TEX38: variants seen among roughly 807,000 people sequenced by gnomAD.
TEX38 encodes the protein testis-expressed protein 38.
Under a neutral mutation model 2.7 loss-of-function variants are expected in TEX38, and 5 were observed. That is an observed-to-expected ratio of 1.86 (90% CI 0.97 to 3.90). The LOEUF (loss-of-function observed/expected upper bound fraction) is 3.90. TEX38 is among the 30% of genes most tolerant of loss of function. The pLI, the probability that TEX38 is intolerant of heterozygous loss-of-function variation, is 0.00. For synonymous variants in TEX38, 110 were observed against 103.3 expected (o/e 1.06, Z -0.39); for missense variants, 218 against 247.9 (o/e 0.88, Z 0.81).
upstream of TEX38, among the ~76,000 whole-genome samples, chr1:46,670,601 T>C (rs907296310): frequency 1.3e-5 from 2 of 152,128 alleles, no homozygotes; most frequent in South Asian, 2.1e-4. Flanking sequence ...ACTGATGGAA[T>C]GAATGTAGAT....
chr1:46,669,532 T>C (rs1258277034), upstream of TEX38: 2 of 455,938 alleles, frequency 4.4e-6, no homozygotes, highest in African/African-American at 4.0e-5. Context: ...TTATAGTCTT[T>C]ATCCCATCAC....
chr1:46,670,703 A>G (rs1290449592), upstream of TEX38, among the ~76,000 whole-genome samples: 2 of 152,212 alleles, frequency 1.3e-5, no homozygotes, highest in African/African-American at 4.8e-5. Flanking sequence ...AGTAGGGGCC[A>G]GTGATATACG....
At chr1:46,672,825 G>T in intron 1 of TEX38, 48 bp from the exon 2 acceptor site, 2 of 1,494,940 alleles carry the variant, frequency 1.3e-6, no homozygotes, top group Non-Finnish European at 1.8e-6. Flanking sequence ...CAGGCCCCAA[G>T]CTACAGCTAT....
chr1:46,673,328 CT>C lies in TEX38; in HGVS notation c.494del (p.Leu165ArgfsTer2), dbSNP rs748317322. The C allele has an allele frequency of 1.1e-4, 174 of 1,551,716 alleles. No homozygotes were observed. Among genetic ancestry groups the C allele is most frequent in the Middle Eastern group, 6.7e-4 (4 of 6,014 alleles). ...FAPPLCNLPPLLNHSVSYPLA... is the reference protein window; with the variant it reads ...FAPPLCNLPPXLNHSVSYPLA... ...CCCACCCTTGTGCAACCTACCCCCC[CT>C]GCTGAACCACTCTGTCTCCTATCCT... On this transcript the variant is annotated frameshift_variant, in exon 2 of 2. Transcript: ENST00000334122. LOFTEE classifies it high-confidence loss of function.
At chr1:46,670,097 A>G (rs1485575687), upstream of TEX38, among the ~76,000 whole-genome samples, 2 of 152,162 alleles carry the variant, frequency 1.3e-5, no homozygotes, top group Non-Finnish European at 2.9e-5. Flanking sequence ...TCTAGCATTG[A>G]AAGCCCCATG....
At position 46,673,266 on chromosome 1, in the gene TEX38, C is replaced by T. The variant is rs918354322; in HGVS notation, c.431C>T (p.Pro144Leu). 1.2e-5 allele frequency: 19 copies of T among 1,551,478 alleles called. No homozygotes were observed. The highest frequency in any genetic ancestry group is 1.6e-5 in the Non-Finnish European group (18 of 1,146,948). ...LAPQQPQARS[P>L]FPLPIFQEVP... ...CCACAGCAGCCCCAGGCCAGATCCC[C>T]ATTCCCACTTCCCATCTTTCAGGAG... The change falls in exon 2 of 2, where the codon CCA becomes CTA. Residue 144 changes from proline to leucine, a missense_variant. Coordinates refer to ENST00000334122, the MANE Select transcript of TEX38 (RefSeq NM_001145474.4).
upstream of TEX38, chr1:46,671,756 C>A (rs545447967): frequency 1.5e-5 from 10 of 674,960 alleles, no homozygotes; most frequent in East Asian, 2.8e-4. Flanking sequence ...GACCACTTCA[C>A]AAGCACTGCC....
upstream of TEX38, chr1:46,669,356 T>C (rs1284880726): frequency 4.4e-6 from 2 of 455,776 alleles, no homozygotes; most frequent in South Asian, 1.6e-5. Context: ...AACAGTGTAA[T>C]GGAAGATGAA....
At chr1:46,671,808 A>G, upstream of TEX38, 1 of 950,026 alleles carries the variant, frequency 1.1e-6, no homozygotes, top group East Asian at 2.6e-5. Flanking sequence ...CCTCTCCTTT[A>G]GAGAACAAAG....
chr1:46,672,754 G>A (rs952606440), intron 1 of TEX38, 119 bp from the exon 2 acceptor site: 10 of 869,544 alleles, frequency 1.2e-5, no homozygotes, highest in Admixed American at 5.4e-5. Flanking sequence ...AACGGTGAGA[G>A]TAGTTAAGTG....
intron 1 of TEX38, 63 bp downstream of exon 1, chr1:46,672,034 G>A: frequency 6.9e-7 from 1 of 1,458,820 alleles, no homozygotes; most frequent in Non-Finnish European, 9.1e-7. Context: ...CAAACACTCA[G>A]GGAAGGCCCT....
chr1:46,671,956 C>A lies in TEX38; in HGVS notation c.22C>A (p.Leu8Met). The change falls in exon 1 of 2, where the codon CTG becomes ATG. Residue 8 changes from leucine (L) to methionine (M), a missense_variant. Leu to Met is a conservative substitution (Grantham distance 15). Transcript: ENST00000334122. MDSQQED[L>M]RFPGMWVSLY... ...CTGTATGGATTCCCAACAGGAGGACCTGCGCTTCCCTGGGAGTAAGTGCTC... is the reference window on the plus strand; with the variant it reads ...CTGTATGGATTCCCAACAGGAGGACATGCGCTTCCCTGGGAGTAAGTGCTC... The A allele has an allele frequency of 6.5e-7, 1 of 1,543,242 alleles. No individual in the cohort carries two copies. The highest frequency in any genetic ancestry group is 1.2e-5 in the South Asian group (1 of 82,838).
upstream of TEX38, among the ~76,000 whole-genome samples, chr1:46,670,014 A>G (rs570561298): frequency 3.5e-4 from 54 of 152,230 alleles, no homozygotes; most frequent in South Asian, 0.01. Context: ...GGGATTTAGG[A>G]TATGTGGAGG....
chr1:46,671,557 TC>T (rs1676582482), upstream of TEX38, among the ~76,000 whole-genome samples: 1 of 152,082 alleles, frequency 6.6e-6, no homozygotes, highest in South Asian at 2.1e-4. Context: ...CATCAACCGT[TC>T]CCTAAAGACC....
In TEX38 at chr1:46,672,746, C is replaced by T. The variant is rs969270167; in HGVS notation, c.38-127C>T. On this transcript the variant is annotated intron_variant, in intron 1 of 1. Transcript: ENST00000334122. ...GCAAGTCAATAAGGGAGGGAAGGAA[C>T]GGTGAGAGTAGTTAAGTGGATGGAG... 6.3e-5 allele frequency: 52 copies of T among 825,026 alleles called. No homozygotes were observed. The African/African-American group carries it at 7.6e-4, about 12-fold the overall frequency. 51.1% of individuals were successfully genotyped at this position (825,026 alleles called of 1,614,324 possible).
intron 1 of TEX38, among the ~76,000 whole-genome samples, chr1:46,672,336 C>T (rs1235605576): frequency 6.6e-6 from 1 of 151,992 alleles, no homozygotes; most frequent in African/African-American, 2.4e-5. Flanking sequence ...CCTCCACCTC[C>T]TGGATTCAAG....
Position 46,673,593 on chromosome 1 carries a change from A to C in TEX38, c.*137A>C. ...ATGAAACATTAAAAGAAAAAAAAAA[A>C]AGTCCAAGGCTCCCTCGTTTCTCAT... On this transcript the variant is annotated 3_prime_UTR_variant, in exon 2 of 2. Transcript: ENST00000334122. The C allele has an allele frequency of 1.4e-6, 1 of 721,332 alleles. No individual in the cohort carries two copies. The highest frequency in any genetic ancestry group is 2.1e-6 in the Non-Finnish European group (1 of 483,212). 44.7% of individuals were successfully genotyped at this position (721,332 alleles called of 1,614,324 possible).
In TEX38 at chr1:46,673,356, T is replaced by C. The variant is rs1394407311; in HGVS notation, c.521T>C (p.Leu174Ser). 6.4e-7 allele frequency: 1 copy of C among 1,551,746 alleles called. No individual in the cohort carries two copies. The change falls in exon 2 of 2, where the codon TTG becomes TCG. Residue 174 changes from leucine (L) to serine (S), a missense_variant. By Grantham distance (145) the Leu-to-Ser change is moderately radical. Coordinates refer to ENST00000334122, the MANE Select transcript of TEX38 (RefSeq NM_001145474.4). ...PLLNHSVSYP[L>S]ATCPERNVLF... ...CTGAACCACTCTGTCTCCTATCCTT[T>C]GGCCACCTGTCCTGAAAGGAATGTT... is the stretch of plus-strand genomic sequence containing the variant.
Position 46,673,262 on chromosome 1 carries a change from TC to T in TEX38, c.431del (p.Pro144HisfsTer23), listed in dbSNP as rs1676624790. On this transcript the variant is annotated frameshift_variant, in exon 2 of 2. Coordinates refer to ENST00000334122, the MANE Select transcript of TEX38 (RefSeq NM_001145474.4). LOFTEE classifies it high-confidence loss of function. ...QLAPQQPQAR[S>X]PFPLPIFQEV... ...GGCTCCACAGCAGCCCCAGGCCAGATCCCCATTCCCACTTCCCATCTTTCAG... is the reference window on the plus strand; with the variant it reads ...GGCTCCACAGCAGCCCCAGGCCAGATCCCATTCCCACTTCCCATCTTTCAG... 10 of 1,551,534 alleles carry T rather than the reference TC, an allele frequency of 6.4e-6. No homozygotes were observed. The highest frequency in any genetic ancestry group is 8.7e-6 in the Non-Finnish European group (10 of 1,146,948).
Sources: gnomAD v4.1 joint callset for allele counts (sites outside exome capture counted in the v4.1 genomes callset) on GRCh38, gnomAD v4.1.1 for gene constraint, MANE v1.5 for transcripts, NCBI Gene and HGNC (gene_info 2026-07-23, HGNC 2026-07-21) for gene names.